Variants in GPR39 observed in about 807,000 individuals in gnomAD.
GPR39 encodes the protein zinc sensing receptor.
GPR39 carries 23 observed loss-of-function variants against 18.4 expected under a neutral mutation model. The ratio of observed to expected loss-of-function variants is 1.25; its 90% CI spans 0.90 to 1.77. GPR39 has a LOEUF of 1.77. GPR39 is among the 40% of genes most tolerant of loss of function. The probability of loss-of-function intolerance (pLI) is 0.00; values close to 1 mark genes in which losing one functional copy is unlikely to be tolerated. For synonymous variants in GPR39, 280 were observed against 257.9 expected (o/e 1.09, Z -0.82); for missense variants, 647 against 602.4 (o/e 1.07, Z -0.78).
At chr2:132,613,841 A>G (rs1344693499) in intron 1 of GPR39, among the ~76,000 whole-genome samples, 2 of 152,232 alleles carry the variant, frequency 1.3e-5, no homozygotes. Context: ...CTCAAGGGCA[A>G]ACATCTTATT....
At chr2:132,463,123 A>G (rs1291247099) in intron 1 of GPR39, among the ~76,000 whole-genome samples, 2 of 152,244 alleles carry the variant, frequency 1.3e-5, no homozygotes, top group African/African-American at 4.8e-5. Context: ...AGACAATGAA[A>G]CTGACAAGCA....
chr2:132,483,713 A>G (rs1025446965), intron 1 of GPR39, among the ~76,000 whole-genome samples: 1 of 152,160 alleles, frequency 6.6e-6, no homozygotes, highest in Non-Finnish European at 1.5e-5. Flanking sequence ...AATCTCCAAA[A>G]TGCATTCACA....
chr2:132,434,268 C>T (rs1170451146), intron 1 of GPR39, among the ~76,000 whole-genome samples: 1 of 152,144 alleles, frequency 6.6e-6, no homozygotes, highest in African/African-American at 2.4e-5. Context: ...GGTTTATAAT[C>T]AGGAACTCCT....
intron 1 of GPR39, among the ~76,000 whole-genome samples, chr2:132,598,388 A>T (rs1680983171): frequency 7.0e-6 from 1 of 143,614 alleles, no homozygotes; most frequent in Non-Finnish European, 1.5e-5. Context: ...TAAGATAATG[A>T]TGCCCATGTC....
chr2:132,426,288 C>T (rs903451046), intron 1 of GPR39, among the ~76,000 whole-genome samples: 3 of 152,174 alleles, frequency 2.0e-5, no homozygotes, highest in South Asian at 2.1e-4. Flanking sequence ...TTTAAACTCT[C>T]GTTTGGAGAA....
chr2:132,558,566 G>A (rs983316321), intron 1 of GPR39, among the ~76,000 whole-genome samples: 2 of 152,192 alleles, frequency 1.3e-5, no homozygotes, highest in African/African-American at 2.4e-5. Flanking sequence ...GCACCGGGAA[G>A]CATTTTAAGT....
At chr2:132,595,543 C>T (rs1338440024) in intron 1 of GPR39, among the ~76,000 whole-genome samples, 2 of 152,272 alleles carry the variant, frequency 1.3e-5, no homozygotes, top group Middle Eastern at 3.4e-3. Context: ...CCCACATCCC[C>T]ACCACTGGAG....
chr2:132,529,391 G>C (rs1679570418), intron 1 of GPR39, among the ~76,000 whole-genome samples: 1 of 152,236 alleles, frequency 6.6e-6, no homozygotes, highest in Non-Finnish European at 1.5e-5. Flanking sequence ...ACAGCTCAAG[G>C]AGGCCTGCCT....
intron 1 of GPR39, among the ~76,000 whole-genome samples, chr2:132,633,416 A>G (rs1681687923): frequency 6.7e-6 from 1 of 149,442 alleles, no homozygotes; most frequent in Non-Finnish European, 1.5e-5. Flanking sequence ...CAGAGTGGGA[A>G]GAGCTCCATT....
chr2:132,633,561 G>C (rs1031904389), intron 1 of GPR39, among the ~76,000 whole-genome samples: 2 of 152,140 alleles, frequency 1.3e-5, no homozygotes, highest in Non-Finnish European at 2.9e-5. Flanking sequence ...TGGGATTGAG[G>C]ATTGGAAGGT....
At chr2:132,641,244 A>G (rs953212048) in intron 1 of GPR39, among the ~76,000 whole-genome samples, 2 of 152,242 alleles carry the variant, frequency 1.3e-5, no homozygotes, top group Non-Finnish European at 2.9e-5. Flanking sequence ...GTTCCCTTAT[A>G]TGGAAGGCTT....
intron 1 of GPR39, among the ~76,000 whole-genome samples, chr2:132,441,937 G>C (rs1680447674): frequency 6.6e-6 from 1 of 152,190 alleles, no homozygotes; most frequent in Non-Finnish European, 1.5e-5. Flanking sequence ...TTTTGCTCCA[G>C]TTCCTATGGT....
intron 1 of GPR39, among the ~76,000 whole-genome samples, chr2:132,601,263 C>T (rs536596584): frequency 6.6e-6 from 1 of 152,174 alleles, no homozygotes; most frequent in Non-Finnish European, 1.5e-5. Flanking sequence ...GATAATACAC[C>T]CTGATCAAAT....
chr2:132,532,703 A>G (rs1327277758), intron 1 of GPR39, among the ~76,000 whole-genome samples: 1 of 152,278 alleles, frequency 6.6e-6, no homozygotes, highest in Non-Finnish European at 1.5e-5. Context: ...ACGAAAATCA[A>G]TAAACATAAT....
chr2:132,496,552 T>C (rs1177154732), intron 1 of GPR39, among the ~76,000 whole-genome samples: 2 of 152,232 alleles, frequency 1.3e-5, no homozygotes, highest in East Asian at 3.8e-4. Context: ...AGTGTAGATG[T>C]CATCTGGAGA....
chr2:132,577,324 TCCAGC>T (rs1680546718), intron 1 of GPR39, among the ~76,000 whole-genome samples: 1 of 151,418 alleles, frequency 6.6e-6, no homozygotes, highest in East Asian at 1.9e-4. Context: ...GCCATTGCAC[TCCAGC>T]CTGGGCCCTG....
chr2:132,447,109 G>T (rs1018379701), intron 1 of GPR39, among the ~76,000 whole-genome samples: 1 of 152,120 alleles, frequency 6.6e-6, no homozygotes, highest in Non-Finnish European at 1.5e-5. Context: ...TGAGTAGCGG[G>T]CCTGTTGCAG....
chr2:132,485,805 T>C (rs1277057809), intron 1 of GPR39, among the ~76,000 whole-genome samples: 1 of 152,212 alleles, frequency 6.6e-6, no homozygotes, highest in African/African-American at 2.4e-5. Flanking sequence ...TCCGTGAACG[T>C]TGGGATTAAC....
chr2:132,640,680 ATGCAT>A (rs1381662195), intron 1 of GPR39, among the ~76,000 whole-genome samples: 3 of 152,222 alleles, frequency 2.0e-5, no homozygotes, highest in Non-Finnish European at 4.4e-5. Context: ...GCAGCCAAAC[ATGCAT>A]TTAGTCAAAT....
Sources: allele counts gnomAD v4.1 joint callset (sites outside exome capture counted in the v4.1 genomes callset), GRCh38; gene constraint gnomAD v4.1.1; transcripts MANE v1.5; gene names NCBI Gene and HGNC (gene_info 2026-07-23, HGNC 2026-07-21).